FUBP1: variants seen among roughly 807,000 people sequenced by gnomAD.
FUBP1 encodes far upstream element binding protein 1.
FUBP1 carries 16 observed loss-of-function variants against 94.9 expected under a neutral mutation model. The ratio of observed to expected loss-of-function variants is 0.17; its 90% confidence interval spans 0.11 to 0.26. The LOEUF (loss-of-function observed/expected upper bound fraction) is 0.26. Among genes scored for constraint, FUBP1 ranks in the 10% least tolerant of loss-of-function variants. The probability of loss-of-function intolerance (pLI) is 1.00; values close to 1 mark genes in which losing one functional copy is unlikely to be tolerated. For synonymous variants in FUBP1, 279 were observed against 254.9 expected (o/e 1.09, Z -0.90); for missense variants, 583 against 808.6 (o/e 0.72, Z 3.38).
chr1:77,966,139 A>G (rs1571317445), intron 7 of FUBP1, among the ~76,000 whole-genome samples: 1 of 152,368 alleles, frequency 6.6e-6, no homozygotes, highest in South Asian at 2.1e-4. Context: ...CACAAAAGGA[A>G]AGCAATTACC....
intron 4 of FUBP1, 78 bp downstream of exon 4, chr1:77,967,549 T>C (rs1656736929): frequency 6.9e-6 from 7 of 1,011,272 alleles, no homozygotes; most frequent in African/African-American, 1.6e-5. Context: ...ATATTCAATA[T>C]ACACCAATGT....
Position 77,956,554 on chromosome 1 carries a change from A to G in FUBP1, c.1705+18T>C. 2 of 1,602,322 alleles carry G rather than the reference A, an allele frequency of 1.2e-6. No homozygotes were observed. The highest frequency in any genetic ancestry group is 1.7e-6 in the Non-Finnish European group (2 of 1,170,738). On this transcript the variant is annotated intron_variant, in intron 17 of 19. Coordinates refer to ENST00000370768, the MANE Select transcript of FUBP1 (RefSeq NM_003902.5). ...AGCACAACTTTTGGCTTTCACATAC[A>G]ATAAGTTCTGTAGTTACCTTGTCCA...
chr1:77,945,813 A>G lies in FUBP1; in HGVS notation c.*2953T>C, dbSNP rs1164345457. ...ATATGTACCAGTTAAAATCATCTAT[A>G]AAAACACACAAACATTTTAAACTGG... On this transcript the variant is annotated 3_prime_UTR_variant, in exon 20 of 20. Transcript: ENST00000370768. 2 of 212,856 alleles carry G rather than the reference A, an allele frequency of 9.4e-6. No individual in the cohort carries two copies. The highest frequency in any genetic ancestry group is 1.4e-4 in the East Asian group (2 of 14,182). 13.2% of individuals were successfully genotyped at this position (212,856 alleles called of 1,614,324 possible).
Position 77,948,642 on chromosome 1 carries a change from AAG to A in FUBP1, c.*122_*123del. On this transcript the variant is annotated 3_prime_UTR_variant, in exon 20 of 20. Coordinates refer to ENST00000370768, the MANE Select transcript of FUBP1 (RefSeq NM_003902.5). ...TACATTTTCAAAAAAAAAAAAAAAAAAGGAAACACTATTTTAAACCAAAAACA... is the reference window on the plus strand; with the variant it reads ...TACATTTTCAAAAAAAAAAAAAAAAAGAAACACTATTTTAAACCAAAAACA... 2.2e-5 allele frequency: 31 copies of A among 1,404,768 alleles called. No homozygotes were observed. Among genetic ancestry groups the A allele is most frequent in the Admixed American group, 6.0e-5 (2 of 33,460 alleles). 87.0% of individuals were successfully genotyped at this position (1,404,768 alleles called of 1,614,324 possible). A position where few individuals can be genotyped will look rare whatever the true frequency, so the allele number is the denominator to read the frequency against.
rs958347191 is a variant in FUBP1, at chr1:77,946,321, A to G, written c.*2445T>C. Among the ~76,000 whole-genome samples the G allele has an allele frequency of 6.6e-5, 10 of 151,970 alleles. No individual in the cohort carries two copies. Among genetic ancestry groups the G allele is most frequent in the Admixed American group, 3.3e-4 (5 of 15,262 alleles). On this transcript the variant is annotated 3_prime_UTR_variant, in exon 20 of 20. Coordinates refer to ENST00000370768, the MANE Select transcript of FUBP1 (RefSeq NM_003902.5). ...CATTTTCTTGTCTTAATAAAAAAAAAAAAGTAAAATAAAAAACATTACCCA... is the reference window on the plus strand; with the variant it reads ...CATTTTCTTGTCTTAATAAAAAAAAGAAAGTAAAATAAAAAACATTACCCA...
chr1:77,963,988 G>A, intron 12 of FUBP1, 74 bp downstream of exon 12: 1 of 907,696 alleles, frequency 1.1e-6, no homozygotes, highest in South Asian at 1.3e-5. Flanking sequence ...TGATATAGAG[G>A]TAACTTCAGA....
At chr1:77,960,066 A>G in intron 16 of FUBP1, 118 bp downstream of exon 16, 1 of 727,356 alleles carries the variant, frequency 1.4e-6, no homozygotes, top group Non-Finnish European at 2.4e-6. Context: ...AACACTGTTG[A>G]AAGAGTAAAG....
chr1:77,950,743 G>A (rs1653298344), intron 18 of FUBP1, among the ~76,000 whole-genome samples: 1 of 152,062 alleles, frequency 6.6e-6, no homozygotes, highest in South Asian at 2.1e-4. Context: ...CAAAAATACT[G>A]GAGCATGGAC....
intron 6 of FUBP1, 29 bp from the exon 7 acceptor site, chr1:77,966,780 A>G: frequency 6.9e-7 from 1 of 1,443,604 alleles, no homozygotes; most frequent in South Asian, 1.2e-5. Flanking sequence ...AGATAACTTC[A>G]GGTCAAAAGA....
rs1419665598 is a variant in FUBP1 at position 77,944,675 on chromosome 1, T to C, written c.*4091A>G. Among the ~76,000 whole-genome samples the C allele has an allele frequency of 1.3e-5, 2 of 151,914 alleles. No individual in the cohort carries two copies. The highest frequency in any genetic ancestry group is 1.5e-5 in the Non-Finnish European group (1 of 67,860). ...TTTACTGGCAGAGTATTCAAACAAA[T>C]AAAATGCTATCACTTCTGAATGACT... On this transcript the variant is annotated 3_prime_UTR_variant, in exon 20 of 20. Coordinates refer to ENST00000370768, the MANE Select transcript of FUBP1 (RefSeq NM_003902.5).
At chr1:77,954,154 C>T (rs1006658256) in intron 18 of FUBP1, among the ~76,000 whole-genome samples, 1 of 152,084 alleles carries the variant, frequency 6.6e-6, no homozygotes, top group African/African-American at 2.4e-5. Flanking sequence ...AATGGTGATG[C>T]TATTTAATTA....
chr1:77,947,127 A>G lies in FUBP1; in HGVS notation c.*1639T>C, dbSNP rs1652327707. 4.9e-6 allele frequency: 1 copy of G among 205,252 alleles called. No individual in the cohort carries two copies. Among genetic ancestry groups the G allele is most frequent in the Non-Finnish European group, 1.0e-5 (1 of 100,330 alleles). The allele number at this position is 205,252 out of a possible 1,614,324, so 12.7% of individuals were successfully genotyped here. A position where few individuals can be genotyped will look rare whatever the true frequency, so the allele number is the denominator to read the frequency against. ...GTCTGATACATTTCAAGACTTTCAT[A>G]TTAAATATAGAAGATATGCATATTT... On this transcript the variant is annotated 3_prime_UTR_variant, in exon 20 of 20. Transcript: ENST00000370768.
chr1:77,956,745 T>C, intron 16 of FUBP1, 45 bp from the exon 17 acceptor site: 2 of 1,527,938 alleles, frequency 1.3e-6, no homozygotes, highest in African/African-American at 2.7e-5. Flanking sequence ...AGTCTGTAAT[T>C]CTCTCTCACA....
intron 7 of FUBP1, 55 bp from the exon 8 acceptor site, chr1:77,965,286 AAT>A: frequency 8.3e-7 from 1 of 1,207,108 alleles, no homozygotes; most frequent in South Asian, 1.4e-5. Flanking sequence ...AGCTTATTCA[AAT>A]AGAGAAATAT....
At position 77,948,189 on chromosome 1, in the gene FUBP1, G is replaced by T; in HGVS notation, c.*577C>A. On this transcript the variant is annotated 3_prime_UTR_variant, in exon 20 of 20. Coordinates refer to ENST00000370768, the MANE Select transcript of FUBP1 (RefSeq NM_003902.5). The stretch of plus-strand genomic sequence containing the variant: ...ATCAAACAGAAGGAAAAAAAATGAA[G>T]ATATCAGGATTACTTGTGCTGAAAG... 9.6e-7 allele frequency: 1 copy of T among 1,045,998 alleles called. No homozygotes were observed. The highest frequency in any genetic ancestry group is 1.2e-6 in the Non-Finnish European group (1 of 866,478). The allele number at this position is 1,045,998 out of a possible 1,614,324, so 64.8% of individuals were successfully genotyped here. A position where few individuals can be genotyped will look rare whatever the true frequency, so the allele number is the denominator to read the frequency against.
At chr1:77,977,112 C>T (rs1248727742) in intron 1 of FUBP1, among the ~76,000 whole-genome samples, 2 of 152,302 alleles carry the variant, frequency 1.3e-5, no homozygotes, top group South Asian at 4.1e-4. Flanking sequence ...TGTCTGCTCT[C>T]GTTAAAGTAT....
At position 77,966,910 on chromosome 1, in the gene FUBP1, G is replaced by C. The variant is rs2102421368; in HGVS notation, c.389C>G (p.Ser130Cys). 1 of 1,602,032 alleles carries C rather than the reference G, an allele frequency of 6.2e-7. No homozygotes were observed. The highest frequency in any genetic ancestry group is 1.1e-5 in the South Asian group (1 of 90,654). Residue 130 changes from serine to cysteine, a missense_variant, in exon 6 of 20, where the codon TCT becomes TGT. Ser to Cys is a moderately radical substitution (Grantham distance 112, BLOSUM62 -1). Transcript: ENST00000370768. ...GEQISRIQQE[S>C]GCKIQIAPDS... Reference sequence around the variant, plus strand: ...AGGAGCTATCTGTATTTTGCATCCAGATTCCTGTTGTATGCGTGAGATCTG... The same window carrying C: ...AGGAGCTATCTGTATTTTGCATCCACATTCCTGTTGTATGCGTGAGATCTG...
chr1:77,945,847 T>A lies in FUBP1; in HGVS notation c.*2919A>T. ...CAAACATTTTAAACTGGCAAAAAAA[T>A]TAAATGCAGCGTCAGTTATTAAAAT... On this transcript the variant is annotated 3_prime_UTR_variant, in exon 20 of 20. Transcript: ENST00000370768. The A allele has an allele frequency of 4.7e-6, 1 of 211,206 alleles. No homozygotes were observed. Among genetic ancestry groups the A allele is most frequent in the Non-Finnish European group, 9.6e-6 (1 of 104,132 alleles). 13.1% of individuals were successfully genotyped at this position (211,206 alleles called of 1,614,324 possible). A position where few individuals can be genotyped will look rare whatever the true frequency, so the allele number is the denominator to read the frequency against.
chr1:77,971,416 T>C (rs1036386009), intron 1 of FUBP1, among the ~76,000 whole-genome samples: 15 of 152,206 alleles, frequency 9.9e-5, no homozygotes, highest in Non-Finnish European at 2.1e-4. Flanking sequence ...ATCAGACAAC[T>C]GGAGAGGGTA....
Sources: gnomAD v4.1 joint callset for allele counts (sites outside exome capture counted in the v4.1 genomes callset) on GRCh38, gnomAD v4.1.1 for gene constraint, MANE v1.5 for transcripts, NCBI Gene and HGNC (gene_info 2026-07-23, HGNC 2026-07-21) for gene names.